EXOC4: variants seen among roughly 807,000 people sequenced by gnomAD.
The protein encoded by EXOC4 is SEC8-like 1.
EXOC4 carries 71 observed loss-of-function variants against 107.2 expected under a neutral mutation model. That is an observed-to-expected ratio of 0.66 (90% CI 0.55 to 0.81). The LOEUF (loss-of-function observed/expected upper bound fraction) is 0.81. EXOC4 is among the 30% of genes least tolerant of loss of function. The pLI is 0.00. For synonymous variants in EXOC4, 456 were observed against 441.2 expected (o/e 1.03, Z -0.42); for missense variants, 1,108 against 1,189.6 (o/e 0.93, Z 1.01).
intron 7 of EXOC4, among the ~76,000 whole-genome samples, chr7:133,463,016 A>G (rs1223610246): frequency 6.6e-6 from 1 of 152,142 alleles, no homozygotes; most frequent in Non-Finnish European, 1.5e-5. Context: ...ATCTGGTAGC[A>G]GGTTGTGGGA....
chr7:133,956,591 G>C (rs765221020), intron 14 of EXOC4, among the ~76,000 whole-genome samples: 2 of 152,184 alleles, frequency 1.3e-5, no homozygotes, highest in Admixed American at 6.5e-5. Flanking sequence ...TGCATCATGT[G>C]GGGGAACTGG....
intron 2 of EXOC4, among the ~76,000 whole-genome samples, chr7:133,281,297 TAAA>T (rs1284195225): frequency 2.2e-5 from 3 of 134,988 alleles, no homozygotes; most frequent in Non-Finnish European, 4.9e-5. Flanking sequence ...AAAAAATAAA[TAAA>T]TAAATAAATA....
Position 133,795,540 on chromosome 7 carries a change from C to G in EXOC4, c.1515-21785C>G, listed in dbSNP as rs145696783. 7.9e-3 allele frequency among the ~76,000 whole-genome samples: 1,205 copies of G among 152,182 alleles called. 10 individuals are homozygous for G. Among genetic ancestry groups the G allele is most frequent in the Non-Finnish European group, 9.7e-3 (656 of 67,966 alleles). ...AAGGACCTGGTGAGGAAACTGAAGC[C>G]TAGGGCTACCCAGTTATGAATAGCA... On this transcript the variant is annotated intron_variant, in intron 10 of 17. Coordinates refer to ENST00000253861, the MANE Select transcript of EXOC4 (RefSeq NM_021807.4).
At chr7:133,708,479 T>G (rs1794816133) in intron 10 of EXOC4, among the ~76,000 whole-genome samples, 1 of 152,232 alleles carries the variant, frequency 6.6e-6, no homozygotes, top group Non-Finnish European at 1.5e-5. Flanking sequence ...ATTCATTTAT[T>G]TATTCAATAA....
chr7:133,926,499 G>A (rs1024550638), intron 13 of EXOC4, among the ~76,000 whole-genome samples: 3 of 151,974 alleles, frequency 2.0e-5, no homozygotes, highest in Non-Finnish European at 4.4e-5. Context: ...GTATTATATT[G>A]TTACAGGTTC....
At chr7:133,356,169 G>T (rs562824474) in intron 5 of EXOC4, among the ~76,000 whole-genome samples, 161 bp from the exon 6 acceptor site, 2 of 152,150 alleles carry the variant, frequency 1.3e-5, no homozygotes, top group Non-Finnish European at 2.9e-5. Flanking sequence ...ATGTTATTTT[G>T]TGACTTTTGG....
At chr7:133,931,063 T>G (rs1800164643) in intron 13 of EXOC4, among the ~76,000 whole-genome samples, 1 of 152,168 alleles carries the variant, frequency 6.6e-6, no homozygotes, top group African/African-American at 2.4e-5. Flanking sequence ...AAAAGAAAAT[T>G]TGGTCAATTA....
intron 9 of EXOC4, among the ~76,000 whole-genome samples, chr7:133,592,265 C>T (rs1263172100): frequency 1.3e-5 from 2 of 152,030 alleles, no homozygotes; most frequent in Non-Finnish European, 2.9e-5. Context: ...GGGGTCTTGC[C>T]ATGTTGCCTA....
chr7:133,622,124 C>A (rs1287096710), intron 9 of EXOC4, among the ~76,000 whole-genome samples: 2 of 152,034 alleles, frequency 1.3e-5, no homozygotes, highest in East Asian at 1.9e-4. Flanking sequence ...ACAGTTGCAC[C>A]TCACCATGCT....
chr7:133,687,780 A>T (rs1339164605), intron 10 of EXOC4, among the ~76,000 whole-genome samples: 1 of 152,116 alleles, frequency 6.6e-6, no homozygotes, highest in African/African-American at 2.4e-5. Flanking sequence ...CTAACTAGTT[A>T]TATTCTTCAA....
intron 6 of EXOC4, among the ~76,000 whole-genome samples, chr7:133,359,903 A>C (rs562211626): frequency 6.6e-6 from 1 of 152,118 alleles, no homozygotes; most frequent in Non-Finnish European, 1.5e-5. Flanking sequence ...TCTGTTGTCT[A>C]TTTATAGGAG....
At chr7:133,965,778 T>G (rs919115403) in intron 14 of EXOC4, among the ~76,000 whole-genome samples, 7 of 152,224 alleles carry the variant, frequency 4.6e-5, no homozygotes, top group African/African-American at 1.7e-4. Context: ...AGCTTTGTTC[T>G]TTTTGCTTAG....
At chr7:133,350,214 GTT>G (rs1214462894) in intron 5 of EXOC4, among the ~76,000 whole-genome samples, 1 of 151,898 alleles carries the variant, frequency 6.6e-6, no homozygotes, top group Non-Finnish European at 1.5e-5. Flanking sequence ...TATTGCTTGT[GTT>G]TTTGGTATCA....
At chr7:134,002,039 C>A (rs1794541484) in intron 15 of EXOC4, among the ~76,000 whole-genome samples, 1 of 152,210 alleles carries the variant, frequency 6.6e-6, no homozygotes, top group African/African-American at 2.4e-5. Flanking sequence ...GTGTGCTAGT[C>A]ATGAATCCCA....
At chr7:133,563,627 C>G (rs774761586) in intron 9 of EXOC4, among the ~76,000 whole-genome samples, 1 of 152,084 alleles carries the variant, frequency 6.6e-6, no homozygotes. Context: ...ATGTGTAGCT[C>G]GAGTAGGAGG....
intron 9 of EXOC4, among the ~76,000 whole-genome samples, chr7:133,617,803 T>C (rs934798932): frequency 1.3e-5 from 2 of 152,142 alleles, no homozygotes; most frequent in African/African-American, 4.8e-5. Context: ...AAAATATACA[T>C]CCTCTGGGTA....
At chr7:133,432,504 A>G (rs1797878602) in intron 7 of EXOC4, among the ~76,000 whole-genome samples, 1 of 152,188 alleles carries the variant, frequency 6.6e-6, no homozygotes, top group South Asian at 2.1e-4. Context: ...TATAAGTATC[A>G]TGTTTATGTA....
At chr7:133,360,451 T>C (rs1013653699) in intron 6 of EXOC4, among the ~76,000 whole-genome samples, 1 of 152,208 alleles carries the variant, frequency 6.6e-6, no homozygotes, top group African/African-American at 2.4e-5. Flanking sequence ...GGTAGAGCTG[T>C]AGGTCCTAGA....
intron 14 of EXOC4, among the ~76,000 whole-genome samples, chr7:133,941,372 G>A (rs1800424467): frequency 6.6e-6 from 1 of 152,034 alleles, no homozygotes; most frequent in Admixed American, 6.6e-5. Context: ...TTTCATGTCA[G>A]GTATTACATT....
Sources: allele counts gnomAD v4.1 joint callset (sites outside exome capture counted in the v4.1 genomes callset), GRCh38; gene constraint gnomAD v4.1.1; transcripts MANE v1.5; gene names NCBI Gene and HGNC (gene_info 2026-07-23, HGNC 2026-07-21).